The following RNASEH2B variants were observed in gnomAD, a reference collection of about 807,000 sequenced individuals.
RNASEH2B encodes Aicardi-Goutieres syndrome 2 protein.
RNASEH2B carries 36 observed loss-of-function variants against 45.0 expected under a neutral mutation model. The ratio of observed to expected loss-of-function variants is 0.80; its 90% confidence interval spans 0.61 to 1.06. RNASEH2B has a LOEUF of 1.06. RNASEH2B is among the 50% of genes least tolerant of loss of function. The pLI, the probability that RNASEH2B is intolerant of heterozygous loss-of-function variation, is 0.00. For synonymous variants in RNASEH2B, 119 were observed against 125.7 expected (o/e 0.95, Z 0.35); for missense variants, 361 against 360.3 (o/e 1.00, Z -0.02).
chr13:50,934,160 C>G (rs530061688), intron 4 of RNASEH2B: 1 of 152,494 alleles, frequency 6.6e-6, no homozygotes, highest in Non-Finnish European at 1.5e-5. Flanking sequence ...AGACAAACTT[C>G]ACCTCTACTT....
chr13:50,927,177 C>A, intron 1 of RNASEH2B: 1 of 436,786 alleles, frequency 2.3e-6, no homozygotes, highest in South Asian at 2.1e-5. Flanking sequence ...TGATTCTAGA[C>A]CCCTGCTTCT....
At position 50,953,896 on chromosome 13, in the gene RNASEH2B, A is replaced by G. The variant is rs1952008392; in HGVS notation, c.742-9A>G. On this transcript the variant is annotated splice_polypyrimidine_tract_variant and intron_variant, in intron 9 of 10. Coordinates refer to ENST00000336617, the MANE Select transcript of RNASEH2B (RefSeq NM_024570.4). Reference sequence around the variant, plus strand: ...CATTTGACACCACTTCACTGCTCTAATGTTGCAGAAAATAAAGTTATCAGA... The same window carrying G: ...CATTTGACACCACTTCACTGCTCTAGTGTTGCAGAAAATAAAGTTATCAGA... 7 of 1,572,536 alleles carry G rather than the reference A, an allele frequency of 4.5e-6. No individual in the cohort carries two copies. The highest frequency in any genetic ancestry group is 6.1e-6 in the Non-Finnish European group (7 of 1,142,416).
chr13:50,919,989 A>G (rs1466167442), intron 1 of RNASEH2B, among the ~76,000 whole-genome samples: 1 of 151,800 alleles, frequency 6.6e-6, no homozygotes, highest in African/African-American at 2.4e-5. Flanking sequence ...GCAATCAGAG[A>G]TTCCTTGTTT....
rs1011904226 is a variant in RNASEH2B at position 50,943,354 on chromosome 13, A to G, written c.470A>G (p.Lys157Arg). Reference sequence around the variant, plus strand: ...GAAATAGACAACAAGAAATATTACAAGTACAGCAAAGAGAAGACATTAAAG... The same window carrying G: ...GAAATAGACAACAAGAAATATTACAGGTACAGCAAAGAGAAGACATTAAAG... ...NPEIDNKKYY[K>R]YSKEKTLKWL... Residue 157 changes from lysine to arginine, a missense_variant, in exon 6 of 11, where the codon AAG becomes AGG. Lys to Arg is a conservative substitution (Grantham distance 26, BLOSUM62 2). Coordinates refer to ENST00000336617, the MANE Select transcript of RNASEH2B (RefSeq NM_024570.4). 3 of 1,605,416 alleles carry G rather than the reference A, an allele frequency of 1.9e-6. No individual in the cohort carries two copies. The highest frequency in any genetic ancestry group is 1.7e-6 in the Non-Finnish European group (2 of 1,172,240).
Position 50,927,476 on chromosome 13 carries a change from C to T in RNASEH2B, c.134C>T (p.Ser45Leu), listed in dbSNP as rs575985863. ...TTTGTAAAACTGGTTAACCCCTGTT[C>T]AGGTAAGTTCTCTTCTCATAACTTG... ...LMFVKLVNPC[S>L]GEGAIYLFNM... The change falls in exon 2 of 11, where the codon TCA becomes TTA. Residue 45 changes from serine (S) to leucine (L), a missense_variant and splice_region_variant. Physicochemically the swap from Ser to Leu is moderately radical, Grantham distance 145 (BLOSUM62 -2). Coordinates refer to ENST00000336617, the MANE Select transcript of RNASEH2B (RefSeq NM_024570.4). 3.2e-6 allele frequency: 5 copies of T among 1,581,894 alleles called. No homozygotes were observed. In the African/African-American group the frequency reaches 4.0e-5, roughly 13 times the overall value.
At chr13:50,936,204 T>C (rs1054348955) in intron 5 of RNASEH2B, 1 of 152,148 alleles carries the variant, frequency 6.6e-6, no homozygotes, top group Non-Finnish European at 1.5e-5. Flanking sequence ...GTGAATGTGT[T>C]TTGACAGGTT....
At chr13:50,921,138 A>G (rs1203426717) in intron 1 of RNASEH2B, 1 of 152,218 alleles carries the variant, frequency 6.6e-6, no homozygotes, top group Non-Finnish European at 1.5e-5. Context: ...ATTTCAATCT[A>G]ACAGAAACAT....
chr13:50,912,173 T>G (rs1015973130), intron 1 of RNASEH2B: 1 of 152,246 alleles, frequency 6.6e-6, no homozygotes, highest in South Asian at 2.1e-4. Flanking sequence ...AAACTTGAGC[T>G]ACCAGCTCCT....
intron 5 of RNASEH2B, among the ~76,000 whole-genome samples, chr13:50,939,696 C>T (rs1313921361): frequency 6.6e-6 from 1 of 151,448 alleles, no homozygotes; most frequent in Non-Finnish European, 1.5e-5. Flanking sequence ...GTCTTTACAA[C>T]AAATGTTGAT....
chr13:50,931,400 A>C (rs1219934908), intron 4 of RNASEH2B, among the ~76,000 whole-genome samples: 1 of 152,210 alleles, frequency 6.6e-6, no homozygotes, highest in Admixed American at 6.5e-5. Flanking sequence ...AGAAATTAAA[A>C]CTGAGAGATT....
At chr13:50,927,660 A>G (rs1046608345) in intron 2 of RNASEH2B, among the ~76,000 whole-genome samples, 182 bp downstream of exon 2, 1 of 152,204 alleles carries the variant, frequency 6.6e-6, no homozygotes, top group Non-Finnish European at 1.5e-5. Context: ...TGACTTAAAC[A>G]TTTTAAAAAT....
At chr13:50,910,169 C>T in intron 1 of RNASEH2B, 29 bp downstream of exon 1, 3 of 1,410,324 alleles carry the variant, frequency 2.1e-6, no homozygotes, top group Non-Finnish European at 1.8e-6. Flanking sequence ...GCGGCGGGGT[C>T]GGCCCAAGAA....
intron 5 of RNASEH2B, chr13:50,935,366 C>T (rs1184977878): frequency 7.0e-6 from 2 of 287,330 alleles, no homozygotes; most frequent in Non-Finnish European, 1.4e-5. Flanking sequence ...AAGCATTTAT[C>T]GAGCACCTTC....
At chr13:50,935,543 A>C (rs759463106) in intron 5 of RNASEH2B, 7 of 158,690 alleles carry the variant, frequency 4.4e-5, no homozygotes, top group Non-Finnish European at 8.4e-5. Flanking sequence ...TGCACAGGAC[A>C]GGTTTCTAAT....
chr13:50,937,894 A>T (rs1473677553), intron 5 of RNASEH2B: 2 of 152,240 alleles, frequency 1.3e-5, no homozygotes, highest in African/African-American at 4.8e-5. Context: ...CAAGAGAAGG[A>T]TGCCTGCTCT....
chr13:50,910,930 T>G (rs1449988991), intron 1 of RNASEH2B: 3 of 152,256 alleles, frequency 2.0e-5, no homozygotes, highest in Non-Finnish European at 4.4e-5. Context: ...ATGCAGTGTT[T>G]GTGGCAGTAA....
intron 9 of RNASEH2B, among the ~76,000 whole-genome samples, chr13:50,966,512 A>G (rs1442412333): frequency 6.6e-6 from 1 of 151,602 alleles, no homozygotes; most frequent in Non-Finnish European, 1.5e-5. Context: ...ATCAAGCCAT[A>G]TATTTTTTTT....
intron 1 of RNASEH2B, chr13:50,911,491 C>T (rs901875934): frequency 6.6e-6 from 1 of 152,200 alleles, no homozygotes; most frequent in Non-Finnish European, 1.5e-5. Context: ...CATGGGCACT[C>T]ATATCTCTAG....
chr13:50,910,785 C>G (rs1879337368), intron 1 of RNASEH2B: 1 of 152,142 alleles, frequency 6.6e-6, no homozygotes, highest in African/African-American at 2.4e-5. Flanking sequence ...AAGGAAGGAC[C>G]GATTAAATGA....
Sources: gnomAD v4.1 joint callset for allele counts (sites outside exome capture counted in the v4.1 genomes callset) on GRCh38, gnomAD v4.1.1 for gene constraint, MANE v1.5 for transcripts, NCBI Gene and HGNC (gene_info 2026-07-23, HGNC 2026-07-21) for gene names.